The following PIBF1 variants were observed in gnomAD, a reference collection of about 807,000 sequenced individuals.
The protein encoded by PIBF1 is progesterone immunomodulatory binding factor 1, also known as progesterone-induced-blocking factor 1.
A neutral mutation model predicts 112.5 loss-of-function variants in PIBF1; 90 were observed. The ratio of observed to expected loss-of-function variants is 0.80; its 90% CI spans 0.67 to 0.95. The LOEUF is 0.95. Ranked by LOEUF, PIBF1 falls within the 40% of genes least tolerant of loss-of-function variation. The pLI is 0.00. For missense variants in PIBF1, 915 were observed against 852.3 expected (o/e 1.07, Z -0.92); for synonymous variants, 301 against 288.6 (o/e 1.04, Z -0.44).
intron 5 of PIBF1, among the ~76,000 whole-genome samples, chr13:72,810,948 C>T (rs1392874552): frequency 1.3e-5 from 2 of 152,046 alleles, no homozygotes; most frequent in Non-Finnish European, 2.9e-5. Context: ...GCTCCGCCCC[C>T]CAGGTTCACA....
chr13:72,916,183 G>GT (rs1350492494), intron 12 of PIBF1, among the ~76,000 whole-genome samples: 1 of 151,932 alleles, frequency 6.6e-6, no homozygotes, highest in Non-Finnish European at 1.5e-5. Context: ...GAGGTTGGGA[G>GT]TTTGAGACCA....
At chr13:72,995,956 A>T in intron 16 of PIBF1, among the ~76,000 whole-genome samples, 1 of 151,240 alleles carries the variant, frequency 6.6e-6, no homozygotes, top group Non-Finnish European at 1.5e-5. Flanking sequence ...CTCAAAAAAA[A>T]AAAGAAAAGA....
chr13:72,852,675 T>C (rs2038220420), intron 9 of PIBF1, among the ~76,000 whole-genome samples: 1 of 152,198 alleles, frequency 6.6e-6, no homozygotes, highest in Non-Finnish European at 1.5e-5. Flanking sequence ...AAAGACTAGA[T>C]TGAGTACTGG....
At chr13:72,919,756 C>A (rs2041226935) in intron 13 of PIBF1, among the ~76,000 whole-genome samples, 2 of 152,044 alleles carry the variant, frequency 1.3e-5, no homozygotes, top group Non-Finnish European at 2.9e-5. Flanking sequence ...TTGCTTGAGT[C>A]CAGGAGTTTG....
chr13:72,894,161 A>G (rs2040176666), intron 11 of PIBF1, among the ~76,000 whole-genome samples: 1 of 151,934 alleles, frequency 6.6e-6, no homozygotes, highest in Non-Finnish European at 1.5e-5. Flanking sequence ...AAAAGATGTC[A>G]TTCACAATAG....
intron 14 of PIBF1, among the ~76,000 whole-genome samples, chr13:72,950,308 C>T (rs1276113190): frequency 2.0e-5 from 3 of 152,012 alleles, no homozygotes; most frequent in African/African-American, 7.2e-5. Flanking sequence ...GTGTTTAGAC[C>T]ACGTCTTCAA....
chr13:72,836,207 A>G (rs2037354986), intron 9 of PIBF1: 7 of 397,686 alleles, frequency 1.8e-5, no homozygotes, highest in South Asian at 1.1e-4. Context: ...GGGAAAATAA[A>G]TACTATTTAT....
intron 11 of PIBF1, 139 bp downstream of exon 11, chr13:72,894,088 T>C (rs1051333193): frequency 1.0e-5 from 4 of 398,406 alleles, no homozygotes; most frequent in Non-Finnish European, 1.6e-5. Flanking sequence ...AACAAGGAAA[T>C]ACGTATTTCA....
intron 10 of PIBF1, among the ~76,000 whole-genome samples, chr13:72,864,441 A>G (rs1423294531): frequency 2.6e-5 from 4 of 152,212 alleles, no homozygotes; most frequent in Admixed American, 6.5e-5. Context: ...GAAACATTAT[A>G]TGTGTGCACA....
chr13:72,964,477 G>A (rs1566496552), intron 14 of PIBF1, among the ~76,000 whole-genome samples: 1 of 151,880 alleles, frequency 6.6e-6, no homozygotes, highest in East Asian at 1.9e-4. Context: ...TGATTAAAAT[G>A]GTAAATTTTA....
At chr13:72,797,609 AG>A (rs2137978226) in intron 4 of PIBF1, among the ~76,000 whole-genome samples, 1 of 152,340 alleles carries the variant, frequency 6.6e-6, no homozygotes, top group African/African-American at 2.4e-5. Flanking sequence ...GATATGTTCC[AG>A]AAGTTTACAA....
At chr13:72,812,668 C>T (rs939824859) in intron 5 of PIBF1, among the ~76,000 whole-genome samples, 11 of 152,044 alleles carry the variant, frequency 7.2e-5, no homozygotes, top group African/African-American at 2.7e-4. Context: ...CCTGTAGTCC[C>T]AGCTACTCGG....
In PIBF1 at chr13:72,923,107, C is replaced by G. The variant is rs375187976; in HGVS notation, c.1730+5941C>G. Reference sequence around the variant, plus strand: ...TCAAATAACTAATATAGCTAATAAGCATGCCTCACATATTCTTGCTCATTT... The same window carrying G: ...TCAAATAACTAATATAGCTAATAAGGATGCCTCACATATTCTTGCTCATTT... On this transcript the variant is annotated intron_variant, in intron 13 of 17. Transcript: ENST00000326291. 2.6e-5 allele frequency among the ~76,000 whole-genome samples: 4 copies of G among 152,302 alleles called. No homozygotes were observed. The South Asian group carries it at 8.3e-4, about 32-fold the overall frequency.
intron 11 of PIBF1, among the ~76,000 whole-genome samples, chr13:72,903,119 A>G (rs1210820991): frequency 6.6e-6 from 1 of 152,018 alleles, no homozygotes; most frequent in Non-Finnish European, 1.5e-5. Context: ...GCTCATCTCA[A>G]GCTCCTGACC....
chr13:72,892,861 G>A (rs7993437), intron 10 of PIBF1, among the ~76,000 whole-genome samples: 111,318 of 151,280 alleles, frequency 0.74, 41,270 homozygotes, highest in South Asian at 0.8. Flanking sequence ...TCCTTCATAT[G>A]TGTTCCCACT....
At chr13:72,922,167 A>G (rs893992285) in intron 13 of PIBF1, among the ~76,000 whole-genome samples, 4 of 151,956 alleles carry the variant, frequency 2.6e-5, no homozygotes, top group African/African-American at 9.7e-5. Flanking sequence ...TTGTAGAGAC[A>G]GGGTCTTGCT....
intron 16 of PIBF1, among the ~76,000 whole-genome samples, chr13:72,983,411 C>G (rs1283368552): frequency 6.6e-6 from 1 of 152,148 alleles, no homozygotes; most frequent in African/African-American, 2.4e-5. Context: ...TAGTATTTAA[C>G]CAGAATTAAT....
chr13:72,917,480 T>C (rs1347884944), intron 13 of PIBF1, among the ~76,000 whole-genome samples: 2 of 152,176 alleles, frequency 1.3e-5, no homozygotes, highest in African/African-American at 4.8e-5. Flanking sequence ...TTAAAATTCA[T>C]TGTGCTTTTT....
chr13:72,957,008 T>A (rs892817123), intron 14 of PIBF1, among the ~76,000 whole-genome samples: 5 of 152,112 alleles, frequency 3.3e-5, no homozygotes, highest in Admixed American at 1.3e-4. Flanking sequence ...AAAAAATTTT[T>A]AAAAAATAGA....
Sources: gnomAD v4.1 joint callset for allele counts (sites outside exome capture counted in the v4.1 genomes callset) on GRCh38, gnomAD v4.1.1 for gene constraint, MANE v1.5 for transcripts, NCBI Gene and HGNC (gene_info 2026-07-23, HGNC 2026-07-21) for gene names.